CAMK2D: variants seen among roughly 807,000 people sequenced by gnomAD.
CAMK2D encodes the protein calcium/calmodulin-dependent protein kinase type II subunit delta.
Under a neutral mutation model 84.0 loss-of-function variants are expected in CAMK2D, and 37 were observed. The ratio of observed to expected loss-of-function variants is 0.44; its 90% CI spans 0.34 to 0.58. The LOEUF is 0.58. CAMK2D is among the 20% of genes least tolerant of loss of function. The pLI is 0.02. For synonymous variants in CAMK2D, 202 were observed against 212.5 expected (o/e 0.95, Z 0.43); for missense variants, 448 against 652.5 (o/e 0.69, Z 3.41).
intron 2 of CAMK2D, among the ~76,000 whole-genome samples, chr4:113,662,019 A>G (rs1284647104): frequency 6.6e-6 from 1 of 152,188 alleles, no homozygotes; most frequent in African/African-American, 2.4e-5. Flanking sequence ...CTTCGGGAAA[A>G]TAGTGGAAAT....
rs573297804 is a variant in CAMK2D, at chr4:113,621,080, C to T, written c.221-11874G>A. Among the ~76,000 whole-genome samples the T allele has an allele frequency of 5.3e-5, 8 of 152,122 alleles. No homozygotes were observed. In the East Asian group the frequency reaches 7.7e-4, roughly 15 times the overall value. On this transcript the variant is annotated intron_variant, in intron 3 of 20. Coordinates refer to ENST00000511664, the MANE Select transcript of CAMK2D (RefSeq NM_001321571.2). ...CAGTTACTAGAGGCACACACCACCA[C>T]ACCTGGATAATTTTTTGTTTTTGTA...
intron 4 of CAMK2D, among the ~76,000 whole-genome samples, chr4:113,565,467 A>G (rs1351349100): frequency 6.6e-6 from 1 of 152,086 alleles, no homozygotes; most frequent in African/African-American, 2.4e-5. Flanking sequence ...CCTGGCCCAC[A>G]TGGTGAAACC....
chr4:113,716,798 T>C (rs2099515044), intron 2 of CAMK2D, among the ~76,000 whole-genome samples: 1 of 152,018 alleles, frequency 6.6e-6, no homozygotes, highest in Admixed American at 6.6e-5. Context: ...GGAGGACACA[T>C]GGTAATGAGC....
chr4:113,508,506 G>A (rs375533151), intron 13 of CAMK2D, among the ~76,000 whole-genome samples: 1 of 152,182 alleles, frequency 6.6e-6, no homozygotes, highest in African/African-American at 2.4e-5. Context: ...AGAAGAAAAT[G>A]TTTGGAAAAT....
chr4:113,660,664 T>C (rs1055496107), intron 3 of CAMK2D, among the ~76,000 whole-genome samples: 1 of 152,182 alleles, frequency 6.6e-6, no homozygotes, highest in African/African-American at 2.4e-5. Flanking sequence ...GTGCTGGGAT[T>C]ATAGGCGTAA....
chr4:113,457,240 T>G (rs2097313988), intron 19 of CAMK2D, 95 bp downstream of exon 19: 1 of 1,510,876 alleles, frequency 6.6e-7, no homozygotes. Context: ...CTACTAGCGT[T>G]AAATAACATA....
intron 2 of CAMK2D, among the ~76,000 whole-genome samples, chr4:113,749,002 G>A (rs2099611007): frequency 6.6e-6 from 1 of 151,548 alleles, no homozygotes; most frequent in Non-Finnish European, 1.5e-5. Flanking sequence ...TATTCATCAT[G>A]GATACAATTT....
intron 2 of CAMK2D, among the ~76,000 whole-genome samples, chr4:113,692,809 A>T (rs1561870432): frequency 6.6e-6 from 1 of 152,036 alleles, no homozygotes; most frequent in South Asian, 2.1e-4. Flanking sequence ...CTACCTATCT[A>T]TCTATCTTGA....
chr4:113,675,418 T>C (rs1045897661), intron 2 of CAMK2D, among the ~76,000 whole-genome samples: 1 of 152,208 alleles, frequency 6.6e-6, no homozygotes, highest in Non-Finnish European at 1.5e-5. Flanking sequence ...GATTGCTCAC[T>C]AGCCAGATAA....
At chr4:113,719,147 A>G (rs1046286279) in intron 2 of CAMK2D, among the ~76,000 whole-genome samples, 1 of 152,154 alleles carries the variant, frequency 6.6e-6, no homozygotes, top group African/African-American at 2.4e-5. Flanking sequence ...TATGTCTTGC[A>G]TCCTTTATTC....
At chr4:113,628,723 T>A (rs1175544467) in intron 3 of CAMK2D, among the ~76,000 whole-genome samples, 1 of 152,098 alleles carries the variant, frequency 6.6e-6, no homozygotes. Context: ...AATGCCCTGT[T>A]GATGGTAAAG....
At chr4:113,517,968 G>A (rs1229091578) in intron 8 of CAMK2D, among the ~76,000 whole-genome samples, 3 of 152,154 alleles carry the variant, frequency 2.0e-5, no homozygotes, top group African/African-American at 7.2e-5. Flanking sequence ...GTCTATAGAG[G>A]GTCTTACTGC....
In CAMK2D at chr4:113,535,154, GC is replaced by G. The variant is rs371496029; in HGVS notation, c.517+2186del. 1.6e-4 allele frequency among the ~76,000 whole-genome samples: 25 copies of G among 152,116 alleles called. 1 individual carries two copies. Among genetic ancestry groups the G allele is most frequent in the African/African-American group, 6.0e-4 (25 of 41,490 alleles). On this transcript the variant is annotated intron_variant, in intron 7 of 20. Coordinates refer to ENST00000511664, the MANE Select transcript of CAMK2D (RefSeq NM_001321571.2). ...CAATTTCTGGCAATTATATCCCTGG[GC>G]CTAAGTTCCCATTTTTGTATCCTGC... is the stretch of plus-strand genomic sequence containing the variant.
At chr4:113,626,855 T>C (rs2099070273) in intron 3 of CAMK2D, among the ~76,000 whole-genome samples, 1 of 152,116 alleles carries the variant, frequency 6.6e-6, no homozygotes. Flanking sequence ...TCAGTGGAGA[T>C]TTAGGATATT....
chr4:113,708,588 A>C (rs2099472021), intron 2 of CAMK2D, among the ~76,000 whole-genome samples: 1 of 152,122 alleles, frequency 6.6e-6, no homozygotes, highest in Non-Finnish European at 1.5e-5. Context: ...GAGTGGGAGA[A>C]AGTTTTTTTT....
At chr4:113,454,774 A>T (rs1291636234) in intron 20 of CAMK2D, among the ~76,000 whole-genome samples, 1 of 152,222 alleles carries the variant, frequency 6.6e-6, no homozygotes, top group African/African-American at 2.4e-5. Flanking sequence ...AGAGACAGAG[A>T]CACAGTCTTC....
At chr4:113,500,893 A>G (rs2098030849) in intron 15 of CAMK2D, among the ~76,000 whole-genome samples, 1 of 150,924 alleles carries the variant, frequency 6.6e-6, no homozygotes, top group Non-Finnish European at 1.5e-5. Context: ...TTGATACTTA[A>G]AATAGAAAAA....
rs771000280 is a variant in CAMK2D at position 113,502,989 on chromosome 4, C to T, written c.1045-12G>A. 3 of 1,591,562 alleles carry T rather than the reference C, an allele frequency of 1.9e-6. No homozygotes were observed. Among genetic ancestry groups the T allele is most frequent in the Non-Finnish European group, 2.6e-6 (3 of 1,159,748 alleles). ...GTAGTTTGGGGCTCCTGAGTGAGAACAAAATAGAGAAAGAAACAGTTCGCA... is the reference window on the plus strand; with the variant it reads ...GTAGTTTGGGGCTCCTGAGTGAGAATAAAATAGAGAAAGAAACAGTTCGCA... On this transcript the variant is annotated splice_polypyrimidine_tract_variant and intron_variant, in intron 14 of 20. Coordinates refer to ENST00000511664, the MANE Select transcript of CAMK2D (RefSeq NM_001321571.2).
chr4:113,486,372 G>T (rs2097765997), intron 16 of CAMK2D, among the ~76,000 whole-genome samples: 1 of 152,056 alleles, frequency 6.6e-6, no homozygotes, highest in Non-Finnish European at 1.5e-5. Context: ...AGATCCTCTG[G>T]CCTCAGCATC....
Sources: gnomAD v4.1 joint callset for allele counts (sites outside exome capture counted in the v4.1 genomes callset) on GRCh38, gnomAD v4.1.1 for gene constraint, MANE v1.5 for transcripts, NCBI Gene and HGNC (gene_info 2026-07-23, HGNC 2026-07-21) for gene names.